The following DHRSX variants were observed in gnomAD, a reference collection of about 807,000 sequenced individuals.
The protein encoded by DHRSX is dehydrogenase/reductase X-linked, also known as polyprenol dehydrogenase.
In DHRSX, 31 loss-of-function variants were observed where a neutral mutation model predicts 34.0. The ratio of observed to expected loss-of-function variants is 0.91; its 90% CI spans 0.69 to 1.23. DHRSX has a LOEUF of 1.23. Ranked by LOEUF, DHRSX falls within the 50% of genes most tolerant of loss-of-function variation. The pLI is 0.00. For synonymous variants in DHRSX, 201 were observed against 183.8 expected (o/e 1.09, Z -0.76); for missense variants, 414 against 428.1 (o/e 0.97, Z 0.29).
intron 6 of DHRSX, 168 bp from the exon 7 acceptor site, chrX:2,221,397 T>C (rs2015516648): frequency 4.3e-6 from 1 of 231,976 alleles, no homozygotes; most frequent in Non-Finnish European, 7.1e-6. Flanking sequence ...CCACAGCTTT[T>C]CTGCTGTTGG....
In DHRSX at chrX:2,345,829, A is replaced by G. The variant is rs1265442212; in HGVS notation, c.287-54226T>C. On this transcript the variant is annotated intron_variant, in intron 3 of 6. Coordinates refer to ENST00000334651, the MANE Select transcript of DHRSX (RefSeq NM_145177.3). ...ATGGACTTTGGACTCCAACTACATC[A>G]TCAGCTCCTCCCTGGGTCTCCAGCT... Among the ~76,000 whole-genome samples, 6 of 152,172 alleles carry G rather than the reference A, an allele frequency of 3.9e-5. No homozygotes were observed. In the East Asian group the frequency reaches 1.2e-3, roughly 29 times the overall value.
chrX:2,440,522 TTTTC>T lies in DHRSX; in HGVS notation c.110-15222_110-15219del, dbSNP rs1446033691. Among the ~76,000 whole-genome samples, 38 of 151,224 alleles carry T rather than the reference TTTTC, an allele frequency of 2.5e-4. No homozygotes were observed. In the Middle Eastern group the frequency reaches 0.017, roughly 68 times the overall value. ...CAGCTCATTTCTGCTTTTTAAATGT[TTTTC>T]TTTCTTTCTTTTTTTTTTTGAAACG... On this transcript the variant is annotated intron_variant, in intron 1 of 6. Transcript: ENST00000334651.
At chrX:2,315,177 G>T (rs1042779536) in intron 3 of DHRSX, among the ~76,000 whole-genome samples, 30 of 137,580 alleles carry the variant, frequency 2.2e-4, no homozygotes, top group African/African-American at 8.0e-4. Flanking sequence ...AAAAAAAAAC[G>T]TTAGGTCTTA....
At chrX:2,271,375 G>A (rs906314670) in intron 4 of DHRSX, among the ~76,000 whole-genome samples, 1 of 152,188 alleles carries the variant, frequency 6.6e-6, no homozygotes, top group African/African-American at 2.4e-5. Flanking sequence ...TGGTGGCAGG[G>A]GAGAGGCACC....
intron 1 of DHRSX, among the ~76,000 whole-genome samples, chrX:2,493,523 G>T (rs2124122256): frequency 6.6e-6 from 1 of 151,480 alleles, no homozygotes; most frequent in East Asian, 1.9e-4. Context: ...TGAAGGAAAG[G>T]TTTCAATTCC....
intron 4 of DHRSX, among the ~76,000 whole-genome samples, chrX:2,287,673 C>T (rs1457817563): frequency 6.8e-6 from 1 of 146,172 alleles, no homozygotes; most frequent in Non-Finnish European, 1.5e-5. Context: ...CATGTGGAAG[C>T]CGAACAATGG....
chrX:2,446,571 G>C (rs1346970106), intron 1 of DHRSX, among the ~76,000 whole-genome samples: 1 of 151,688 alleles, frequency 6.6e-6, no homozygotes, highest in Admixed American at 6.6e-5. Context: ...CGGTCCCTAA[G>C]AATGCGGCCA....
At chrX:2,258,133 A>AT (rs1174649466) in intron 5 of DHRSX, among the ~76,000 whole-genome samples, 1 of 152,084 alleles carries the variant, frequency 6.6e-6, no homozygotes, top group African/African-American at 2.4e-5. Flanking sequence ...TCACACCTTG[A>AT]TCTCAGACCT....
At position 2,291,670 on chromosome X, in the gene DHRSX, T is replaced by C. The variant is rs775796746; in HGVS notation, c.287-67A>G. 3 of 1,198,808 alleles carry C rather than the reference T, an allele frequency of 2.5e-6. No individual in the cohort carries two copies. The East Asian group carries it at 7.0e-5, about 28-fold the overall frequency. 74.3% of individuals were successfully genotyped at this position (1,198,808 alleles called of 1,614,324 possible). On this transcript the variant is annotated intron_variant, in intron 3 of 6. Transcript: ENST00000334651. The stretch of plus-strand genomic sequence containing the variant: ...ACCTATTTCAGAGATTAAGAAAATT[T>C]CTAAACAGGTCAAACTCAATTTCAT...
chrX:2,490,859 C>T, intron 1 of DHRSX: 1 of 1,252,434 alleles, frequency 8.0e-7, no homozygotes, highest in Non-Finnish European at 1.1e-6. Flanking sequence ...GGTGCCGGGG[C>T]AGCTCCGCTT....
chrX:2,229,467 G>A (rs2015813160), intron 6 of DHRSX, among the ~76,000 whole-genome samples: 2 of 152,026 alleles, frequency 1.3e-5, no homozygotes, highest in African/African-American at 4.8e-5. Flanking sequence ...CCTGCTGCTT[G>A]CTCCTTCTGG....
At chrX:2,436,482 TTATTATTATTATTATTAC>T (rs1243854734) in intron 1 of DHRSX, among the ~76,000 whole-genome samples, 1,451 of 137,116 alleles carry the variant, frequency 0.011, 33 homozygotes, top group African/African-American at 0.036. Flanking sequence ...ATTATTATTA[TTATTATTATTATTATTAC>T]TACTACTACT....
intron 1 of DHRSX, chrX:2,489,918 T>C (rs766734446): frequency 6.2e-7 from 1 of 1,613,836 alleles, no homozygotes; most frequent in Non-Finnish European, 8.5e-7. Context: ...TAGTTGGTGG[T>C]GGCCCCGAAG....
At chrX:2,391,161 G>C (rs1251379978) in intron 3 of DHRSX, among the ~76,000 whole-genome samples, 1 of 152,116 alleles carries the variant, frequency 6.6e-6, no homozygotes, top group African/African-American at 2.4e-5. Flanking sequence ...CCAATTCTTT[G>C]AGGTATATAC....
chrX:2,273,916 G>A (rs1300482592), intron 4 of DHRSX, among the ~76,000 whole-genome samples: 3 of 152,228 alleles, frequency 2.0e-5, no homozygotes, highest in Non-Finnish European at 2.9e-5. Context: ...CTCGCCTGGC[G>A]GGGAAGCTGC....
chrX:2,403,306 C>T (rs777837757), intron 3 of DHRSX, among the ~76,000 whole-genome samples: 386 of 152,302 alleles, frequency 2.5e-3, no homozygotes, highest in Non-Finnish European at 4.2e-3. Flanking sequence ...ACCATCTCCA[C>T]GGCACACCCC....
At chrX:2,353,223 G>A (rs1051597145) in intron 3 of DHRSX, among the ~76,000 whole-genome samples, 29 of 152,084 alleles carry the variant, frequency 1.9e-4, no homozygotes, top group African/African-American at 6.5e-4. Context: ...CAGCCTGGGC[G>A]ACAGAGCCAG....
chrX:2,474,707 G>C (rs771636250), intron 1 of DHRSX, among the ~76,000 whole-genome samples: 1 of 151,744 alleles, frequency 6.6e-6, no homozygotes, highest in Non-Finnish European at 1.5e-5. Context: ...GTGTGGCTAA[G>C]GGACCTCTGC....
chrX:2,338,424 G>C (rs746832629), intron 3 of DHRSX, among the ~76,000 whole-genome samples: 10 of 151,900 alleles, frequency 6.6e-5, no homozygotes, highest in Admixed American at 2.0e-4. Flanking sequence ...GAATCTACAG[G>C]CTCTGCTTTA....
Sources: gnomAD v4.1 joint callset for allele counts (sites outside exome capture counted in the v4.1 genomes callset) on GRCh38, gnomAD v4.1.1 for gene constraint, MANE v1.5 for transcripts, NCBI Gene and HGNC (gene_info 2026-07-23, HGNC 2026-07-21) for gene names.